DIP2B: variants seen among roughly 807,000 people sequenced by gnomAD.
The protein encoded by DIP2B is DIP2 acetate--CoA ligase B (putative).
DIP2B carries 76 observed loss-of-function variants against 198.0 expected under a neutral mutation model. That is an observed-to-expected ratio of 0.38 (90% confidence interval 0.32 to 0.46). The LOEUF is 0.46. Ranked by LOEUF, DIP2B falls within the 20% of genes least tolerant of loss-of-function variation. The pLI, the probability that DIP2B is intolerant of heterozygous loss-of-function variation, is 0.99. For missense variants in DIP2B, 1,559 were observed against 1,978.4 expected, an observed-to-expected ratio of 0.79 and a Z score of 4.02; for synonymous variants, 701 against 739.1, an observed-to-expected ratio of 0.95 and a Z score of 0.84.
intron 1 of DIP2B, among the ~76,000 whole-genome samples, chr12:50,559,846 C>T (rs187171569): frequency 8.5e-4 from 129 of 152,116 alleles, no homozygotes; most frequent in Middle Eastern, 3.4e-3. Flanking sequence ...TAGTCTTTGC[C>T]CTTGTAGAGG....
At chr12:50,587,085 C>T (rs1209675455) in intron 1 of DIP2B, among the ~76,000 whole-genome samples, 1 of 152,024 alleles carries the variant, frequency 6.6e-6, no homozygotes. Flanking sequence ...AAATAAGTAT[C>T]CTATTGCAAT....
intron 2 of DIP2B, among the ~76,000 whole-genome samples, chr12:50,632,163 A>C (rs1013092714): frequency 1.3e-5 from 2 of 152,110 alleles, no homozygotes; most frequent in African/African-American, 4.8e-5. Context: ...TTGGAATGCA[A>C]ATTTAAACTT....
Position 50,728,596 on chromosome 12 carries a change from T to C in DIP2B, c.3559T>C (p.Cys1187Arg), listed in dbSNP as rs1314497788. 6.2e-7 allele frequency: 1 copy of C among 1,614,152 alleles called. No homozygotes were observed. Among genetic ancestry groups the C allele is most frequent in the South Asian group, 1.1e-5 (1 of 91,078 alleles). ...TCTGTGTCGAGCCATCAAGCTCCAG[T>C]GTGAGTTGTACTCTTCTCGGCAGAT... is the stretch of plus-strand genomic sequence containing the variant. ...NALCRAIKLQ[C>R]ELYSSRQIAI... Residue 1187 changes from cysteine (C) to arginine (R), a missense_variant, in exon 30 of 38, where the codon TGT becomes CGT. Coordinates refer to ENST00000301180, the MANE Select transcript of DIP2B (RefSeq NM_173602.3).
intron 1 of DIP2B, among the ~76,000 whole-genome samples, chr12:50,621,130 A>T (rs971624230): frequency 6.6e-6 from 1 of 152,248 alleles, no homozygotes; most frequent in Admixed American, 6.5e-5. Flanking sequence ...GTGTAAGTAC[A>T]GGTGGTGAGG....
chr12:50,507,469 T>C (rs1957977942), intron 1 of DIP2B, among the ~76,000 whole-genome samples: 1 of 152,218 alleles, frequency 6.6e-6, no homozygotes. Flanking sequence ...TATTTGGAGC[T>C]AAGGTTTGTT....
At chr12:50,572,958 A>C (rs116415766) in intron 1 of DIP2B, among the ~76,000 whole-genome samples, 1 of 152,214 alleles carries the variant, frequency 6.6e-6, no homozygotes. Context: ...CAGTGTCAGC[A>C]TCTTGGCTAG....
chr12:50,567,038 CT>C (rs199582894), intron 1 of DIP2B, among the ~76,000 whole-genome samples: 21 of 148,588 alleles, frequency 1.4e-4, no homozygotes, highest in East Asian at 4.0e-4. Flanking sequence ...TGTGCACTGA[CT>C]TTTTTTTTGT....
At chr12:50,650,689 T>C (rs1357914126) in intron 3 of DIP2B, among the ~76,000 whole-genome samples, 1 of 152,234 alleles carries the variant, frequency 6.6e-6, no homozygotes, top group African/African-American at 2.4e-5. Flanking sequence ...ATATACCATG[T>C]TTTACTTACC....
At chr12:50,569,715 T>TGC (rs1157882945) in intron 1 of DIP2B, among the ~76,000 whole-genome samples, 2 of 152,250 alleles carry the variant, frequency 1.3e-5, no homozygotes, top group Non-Finnish European at 2.9e-5. Context: ...TAAACTATAC[T>TGC]GCACCTTTAA....
intron 3 of DIP2B, among the ~76,000 whole-genome samples, chr12:50,653,418 A>G (rs1938496739): frequency 7.2e-6 from 1 of 139,050 alleles, no homozygotes; most frequent in African/African-American, 2.7e-5. Context: ...ATGGCTCACT[A>G]CAGCCTCAGT....
At chr12:50,685,717 G>C in intron 10 of DIP2B, 116 bp from the exon 11 acceptor site, 1 of 1,184,770 alleles carries the variant, frequency 8.4e-7, no homozygotes, top group South Asian at 2.0e-5. Context: ...CCAGATATTG[G>C]TGGGGCTCCA....
chr12:50,604,840 A>G (rs1275771410), intron 1 of DIP2B, among the ~76,000 whole-genome samples: 3 of 152,160 alleles, frequency 2.0e-5, no homozygotes, highest in African/African-American at 7.2e-5. Context: ...CAATTTCTAT[A>G]AATGTTCTAT....
chr12:50,719,733 C>G (rs1004346707), intron 25 of DIP2B, among the ~76,000 whole-genome samples: 1 of 151,286 alleles, frequency 6.6e-6, no homozygotes, highest in Non-Finnish European at 1.5e-5. Flanking sequence ...CCCAGCTACT[C>G]GGGAGGCCGA....
chr12:50,730,064 AGC>A (rs1592145962), intron 30 of DIP2B, among the ~76,000 whole-genome samples: 1 of 152,128 alleles, frequency 6.6e-6, no homozygotes, highest in Non-Finnish European at 1.5e-5. Context: ...ATTGGGTTCA[AGC>A]CTGTTATCAC....
At chr12:50,662,392 A>G (rs1400233539) in intron 4 of DIP2B, among the ~76,000 whole-genome samples, 1 of 152,254 alleles carries the variant, frequency 6.6e-6, no homozygotes, top group African/African-American at 2.4e-5. Flanking sequence ...CACATGGGAT[A>G]TCTTGATGCT....
chr12:50,671,894 C>T (rs537966463), intron 5 of DIP2B, among the ~76,000 whole-genome samples: 8 of 152,062 alleles, frequency 5.3e-5, no homozygotes, highest in Non-Finnish European at 7.4e-5. Context: ...GTGTGCAGGC[C>T]GAGGATATTG....
At chr12:50,564,360 T>G (rs1958545599) in intron 1 of DIP2B, among the ~76,000 whole-genome samples, 1 of 152,226 alleles carries the variant, frequency 6.6e-6, no homozygotes, top group South Asian at 2.1e-4. Context: ...TGGGAGAATT[T>G]CTTTCAATGT....
chr12:50,656,390 G>A (rs2139507030), intron 3 of DIP2B, among the ~76,000 whole-genome samples: 1 of 152,236 alleles, frequency 6.6e-6, no homozygotes, highest in South Asian at 2.1e-4. Context: ...TAAAACAACT[G>A]CTCAAAATTA....
chr12:50,597,405 G>A (rs1001841798), intron 1 of DIP2B, among the ~76,000 whole-genome samples: 2 of 152,128 alleles, frequency 1.3e-5, no homozygotes, highest in African/African-American at 4.8e-5. Context: ...TATCCATTGG[G>A]CAAATAACTG....
Sources: gnomAD v4.1 joint callset for allele counts (sites outside exome capture counted in the v4.1 genomes callset) on GRCh38, gnomAD v4.1.1 for gene constraint, MANE v1.5 for transcripts, NCBI Gene and HGNC (gene_info 2026-07-23, HGNC 2026-07-21) for gene names.